Variants in ANO4 observed in about 807,000 individuals in gnomAD.
ANO4 encodes anoctamin-4.
Under a neutral mutation model 141.9 loss-of-function variants are expected in ANO4, and 69 were observed. The observed-to-expected ratio is 0.49, with a 90% CI of 0.40 to 0.59. The LOEUF is 0.59. Ranked by LOEUF, ANO4 falls within the 20% of genes least tolerant of loss-of-function variation. ANO4 has a pLI of 0.00. For missense variants in ANO4, 894 were observed against 1,162.2 expected (o/e 0.77, Z 3.36); for synonymous variants, 350 against 394.3 (o/e 0.89, Z 1.33).
At chr12:100,831,006 G>T (rs1242251701) in intron 1 of ANO4, among the ~76,000 whole-genome samples, 1 of 152,000 alleles carries the variant, frequency 6.6e-6, no homozygotes, top group South Asian at 2.1e-4. Flanking sequence ...ATCTATTTCT[G>T]CCTCACTAAG....
chr12:100,974,621 G>T (rs972159593), intron 6 of ANO4, among the ~76,000 whole-genome samples: 1 of 152,082 alleles, frequency 6.6e-6, no homozygotes, highest in African/African-American at 2.4e-5. Context: ...ATGGTAATGG[G>T]TAGAGGAAGA....
At chr12:100,789,232 G>A (rs73147635) in intron 3 of ANO4, among the ~76,000 whole-genome samples, 7,793 of 152,200 alleles carry the variant, frequency 0.051, 215 homozygotes, top group Non-Finnish European at 0.067. Context: ...GGGTCTCAGA[G>A]ACCAGGTCTA....
intron 8 of ANO4, among the ~76,000 whole-genome samples, chr12:101,008,767 G>T (rs1441725735): frequency 1.3e-5 from 2 of 152,100 alleles, no homozygotes; most frequent in African/African-American, 2.4e-5. Flanking sequence ...AAGATGTTCA[G>T]ATGCATCATA....
chr12:101,116,555 G>T, intron 24 of ANO4, 124 bp from the exon 25 acceptor site: 1 of 1,374,780 alleles, frequency 7.3e-7, no homozygotes, highest in Non-Finnish European at 1.0e-6. Context: ...AGTCCTGGTT[G>T]ACAAGGAAGG....
chr12:100,863,845 G>A (rs950742151), intron 1 of ANO4, among the ~76,000 whole-genome samples: 2 of 152,138 alleles, frequency 1.3e-5, no homozygotes, highest in African/African-American at 4.8e-5. Context: ...AAACTACCCC[G>A]TAATGCCTAT....
chr12:101,083,576 G>A, intron 15 of ANO4, 102 bp from the exon 16 acceptor site: 1 of 1,389,490 alleles, frequency 7.2e-7, no homozygotes, highest in Non-Finnish European at 9.7e-7. Context: ...TAATTAGTGT[G>A]GCAGCTGTTG....
chr12:101,009,337 A>T (rs1337414107), intron 8 of ANO4, among the ~76,000 whole-genome samples: 3 of 152,138 alleles, frequency 2.0e-5, no homozygotes, highest in Non-Finnish European at 4.4e-5. Context: ...TGACAGCTTG[A>T]TCTTGGACTT....
chr12:101,015,748 T>G (rs1359904326), intron 8 of ANO4, among the ~76,000 whole-genome samples: 2 of 151,378 alleles, frequency 1.3e-5, no homozygotes, highest in African/African-American at 2.4e-5. Flanking sequence ...TGCATGGGAG[T>G]GGATATGAGT....
At chr12:100,724,712 GT>G (rs1394895503) in intron 1 of ANO4, among the ~76,000 whole-genome samples, 1 of 152,130 alleles carries the variant, frequency 6.6e-6, no homozygotes, top group Admixed American at 6.5e-5. Context: ...TCTACTATAT[GT>G]TTTTTGAATG....
intron 9 of ANO4, among the ~76,000 whole-genome samples, chr12:101,026,732 G>A (rs1275382153): frequency 6.6e-6 from 1 of 152,054 alleles, no homozygotes; most frequent in Admixed American, 6.5e-5. Flanking sequence ...GTATACAAAA[G>A]TTAACTCAAA....
At chr12:100,983,479 C>T (rs989879281) in intron 7 of ANO4, among the ~76,000 whole-genome samples, 2 of 152,152 alleles carry the variant, frequency 1.3e-5, no homozygotes, top group African/African-American at 4.8e-5. Context: ...TCACCCTGGG[C>T]TTTTATCTGG....
rs569956146 is a variant in ANO4 at position 100,959,109 on chromosome 12, C to G, written c.457-12197C>G. Reference sequence around the variant, plus strand: ...CTGCACCCTCATCCCTCTCAACCCCCCTCCACAGACACACACACACAGTTC... The same window carrying G: ...CTGCACCCTCATCCCTCTCAACCCCGCTCCACAGACACACACACACAGTTC... On this transcript the variant is annotated intron_variant, in intron 5 of 27. Coordinates refer to ENST00000392977, the MANE Select transcript of ANO4 (RefSeq NM_001286615.2). Among the ~76,000 whole-genome samples the G allele has an allele frequency of 3.4e-5, 5 of 146,230 alleles. No individual in the cohort carries two copies. The East Asian group carries it at 1.2e-3, about 36-fold the overall frequency.
intron 1 of ANO4, chr12:100,858,932 G>A (rs937147388): frequency 1.3e-5 from 2 of 152,116 alleles, no homozygotes; most frequent in Admixed American, 1.3e-4. Flanking sequence ...CACGTACTAG[G>A]TTTTCACAAA....
At chr12:100,879,593 GAT>G (rs1241282493) in intron 1 of ANO4, among the ~76,000 whole-genome samples, 9 of 152,210 alleles carry the variant, frequency 5.9e-5, no homozygotes, top group Admixed American at 3.3e-4. Context: ...TTTAGAGAAA[GAT>G]ACACAGACGT....
intron 14 of ANO4, among the ~76,000 whole-genome samples, chr12:101,064,527 G>T (rs1019388555): frequency 6.6e-6 from 1 of 152,082 alleles, no homozygotes; most frequent in Non-Finnish European, 1.5e-5. Context: ...TGGGTGGGAG[G>T]CTAGGGAAGG....
chr12:101,046,596 G>A (rs1199992015), intron 13 of ANO4, among the ~76,000 whole-genome samples: 1 of 152,114 alleles, frequency 6.6e-6, no homozygotes, highest in African/African-American at 2.4e-5. Context: ...GTTAGTTCCT[G>A]GAATCTACTA....
intron 3 of ANO4, among the ~76,000 whole-genome samples, chr12:100,932,329 G>A (rs2042115062): frequency 6.6e-6 from 1 of 151,198 alleles, no homozygotes; most frequent in African/African-American, 2.4e-5. Flanking sequence ...ATTTCTTACT[G>A]TCTTCTAGGC....
chr12:100,778,044 C>G (rs1029330679), intron 3 of ANO4, among the ~76,000 whole-genome samples: 3 of 151,710 alleles, frequency 2.0e-5, no homozygotes, highest in Admixed American at 6.6e-5. Flanking sequence ...CTCAGCCTCC[C>G]GAGTAGCTGG....
At chr12:100,724,730 T>C (rs770683378) in intron 1 of ANO4, among the ~76,000 whole-genome samples, 2 of 152,058 alleles carry the variant, frequency 1.3e-5, no homozygotes, top group African/African-American at 2.4e-5. Context: ...AATGGATGAA[T>C]TTCAGTCACA....
Sources: allele counts gnomAD v4.1 joint callset (sites outside exome capture counted in the v4.1 genomes callset), GRCh38; gene constraint gnomAD v4.1.1; transcripts MANE v1.5; gene names NCBI Gene and HGNC (gene_info 2026-07-23, HGNC 2026-07-21).